PIK3CB: variants seen among roughly 807,000 people sequenced by gnomAD.
PIK3CB encodes the protein phosphatidylinositol-4,5-bisphosphate 3-kinase catalytic subunit beta.
PIK3CB carries 39 observed loss-of-function variants against 136.8 expected under a neutral mutation model. The observed-to-expected ratio is 0.29, with a 90% CI of 0.22 to 0.37. The LOEUF (loss-of-function observed/expected upper bound fraction) is 0.37. Ranked by LOEUF, PIK3CB falls within the 10% of genes least tolerant of loss-of-function variation. The probability of loss-of-function intolerance (pLI) is 1.00; values close to 1 mark genes in which losing one functional copy is unlikely to be tolerated. For missense variants in PIK3CB, 868 were observed against 1,275.4 expected (o/e 0.68, Z 4.87); for synonymous variants, 428 against 436.6 (o/e 0.98, Z 0.25).
At chr3:138,816,222 G>C (rs556903755) in intron 1 of PIK3CB, among the ~76,000 whole-genome samples, 9 of 152,280 alleles carry the variant, frequency 5.9e-5, no homozygotes, top group African/African-American at 2.2e-4. Flanking sequence ...AGGATTGTTT[G>C]AGACCAGGAG....
At chr3:138,730,801 G>A (rs2044955705) in intron 8 of PIK3CB, among the ~76,000 whole-genome samples, 4 of 152,082 alleles carry the variant, frequency 2.6e-5, no homozygotes, top group African/African-American at 2.4e-5. Context: ...AAGTGATGGT[G>A]TATACCTGTA....
chr3:138,660,305 T>C (rs1316848457), intron 21 of PIK3CB, among the ~76,000 whole-genome samples: 1 of 152,198 alleles, frequency 6.6e-6, no homozygotes, highest in Non-Finnish European at 1.5e-5. Flanking sequence ...ATTTTAACTT[T>C]TTGTTTGTTC....
chr3:138,827,702 G>A (rs1000077623), intron 1 of PIK3CB, among the ~76,000 whole-genome samples: 2 of 151,210 alleles, frequency 1.3e-5, no homozygotes, highest in African/African-American at 2.4e-5. Context: ...CAAAAAGGCC[G>A]GGCCCGGGGG....
intron 1 of PIK3CB, among the ~76,000 whole-genome samples, chr3:138,815,035 G>C (rs1170511782): frequency 6.6e-6 from 1 of 150,616 alleles, no homozygotes; most frequent in Non-Finnish European, 1.5e-5. Flanking sequence ...AGCTACTCAG[G>C]AGGCTGAGGC....
rs60503033 is a variant in PIK3CB, at chr3:138,744,392, CAAAAAAAAAAAAAA to C, written c.398-1625_398-1612del. Among the ~76,000 whole-genome samples the C allele has an allele frequency of 7.8e-3, 353 of 45,110 alleles. 20 individuals carry two copies. Among genetic ancestry groups the C allele is most frequent in the Middle Eastern group, 0.031 (1 of 32 alleles). The allele number at this position is 45,110 out of a possible 152,430, so 29.6% of individuals were successfully genotyped here. On this transcript the variant is annotated intron_variant, in intron 4 of 23. Coordinates refer to ENST00000674063, the MANE Select transcript of PIK3CB (RefSeq NM_006219.3). ...ACTGGGTGACAGAGCGAGACTCCCC[CAAAAAAAAAAAAAA>C]AAAAAAAAAAAAAAAAGGAAGTGGA... is the stretch of plus-strand genomic sequence containing the variant.
chr3:138,742,270 T>A (rs1259429106), intron 5 of PIK3CB, among the ~76,000 whole-genome samples: 1 of 152,132 alleles, frequency 6.6e-6, no homozygotes, highest in Admixed American at 6.6e-5. Context: ...ATCTTTGAGG[T>A]TTTTTTCTCT....
chr3:138,735,254 A>G (rs1228902139), intron 6 of PIK3CB, among the ~76,000 whole-genome samples: 1 of 152,084 alleles, frequency 6.6e-6, no homozygotes, highest in Non-Finnish European at 1.5e-5. Flanking sequence ...CAGCCTAAGC[A>G]TATGAGAATT....
At position 138,705,345 on chromosome 3, in the gene PIK3CB, G is replaced by A. The variant is rs186647642; in HGVS notation, c.1531-852C>T. Reference sequence around the variant, plus strand: ...CAGCTAAAACTATTAAATATATCACGAGTAGCTATGGCTTATGGATAAATT... The same window carrying A: ...CAGCTAAAACTATTAAATATATCACAAGTAGCTATGGCTTATGGATAAATT... On this transcript the variant is annotated intron_variant, in intron 11 of 23. Coordinates refer to ENST00000674063, the MANE Select transcript of PIK3CB (RefSeq NM_006219.3). Among the ~76,000 whole-genome samples the A allele has an allele frequency of 4.3e-3, 647 of 151,956 alleles. 2 individuals carry two copies. The highest frequency in any genetic ancestry group is 0.015 in the African/African-American group (631 of 41,470).
chr3:138,765,059 G>C (rs1576400289), intron 2 of PIK3CB, among the ~76,000 whole-genome samples: 1 of 152,186 alleles, frequency 6.6e-6, no homozygotes, highest in East Asian at 1.9e-4. Context: ...GGGCACAGTG[G>C]CTCCCGCCTA....
At chr3:138,776,856 G>C (rs2045864621) in intron 2 of PIK3CB, among the ~76,000 whole-genome samples, 1 of 142,658 alleles carries the variant, frequency 7.0e-6, no homozygotes, top group South Asian at 2.1e-4. Flanking sequence ...CTGGGAAGCG[G>C]ACATTGCAGT....
intron 16 of PIK3CB, among the ~76,000 whole-genome samples, chr3:138,686,454 T>C (rs1053549807): frequency 7.9e-5 from 12 of 151,834 alleles, no homozygotes; most frequent in Non-Finnish European, 1.6e-4. Flanking sequence ...ATAAAATAAA[T>C]AAATAAATAA....
At chr3:138,702,270 T>TCTCTATAAAAGAGAGAGACCCCAGGCTG (rs879653213) in intron 12 of PIK3CB, among the ~76,000 whole-genome samples, 1 of 150,600 alleles carries the variant, frequency 6.6e-6, no homozygotes, top group Non-Finnish European at 1.5e-5. Context: ...AGATGGGGTC[T>TCTCTATAAAAGAGAGAGACCCCAGGCTG]CTCTGTATGG....
intron 15 of PIK3CB, among the ~76,000 whole-genome samples, chr3:138,690,125 G>A (rs1387218945): frequency 3.3e-5 from 5 of 151,780 alleles, no homozygotes; most frequent in African/African-American, 4.8e-5. Context: ...GTAAAAAAAA[G>A]AGTGGAAAAA....
At chr3:138,811,585 C>A (rs1933061593) in intron 1 of PIK3CB, among the ~76,000 whole-genome samples, 1 of 151,928 alleles carries the variant, frequency 6.6e-6, no homozygotes, top group South Asian at 2.1e-4. Flanking sequence ...GCGACCACAC[C>A]TGGCTAATTT....
intron 1 of PIK3CB, chr3:138,825,816 T>C (rs532812283): frequency 6.6e-6 from 7 of 1,061,340 alleles, no homozygotes; most frequent in African/African-American, 6.2e-5. Context: ...AAGCAGTCTG[T>C]TGAAATGCAC....
At chr3:138,706,372 A>G (rs1461639072) in intron 11 of PIK3CB, among the ~76,000 whole-genome samples, 2 of 152,234 alleles carry the variant, frequency 1.3e-5, no homozygotes, top group African/African-American at 2.4e-5. Context: ...TGCAGTGTGT[A>G]TATTAAAGAA....
intron 4 of PIK3CB, 48 bp from the exon 5 acceptor site, chr3:138,742,829 A>T (rs1232920419): frequency 2.0e-6 from 2 of 1,020,468 alleles, no homozygotes; most frequent in African/African-American, 3.2e-5. Context: ...AACAATAATA[A>T]AAGAATATAG....
intron 1 of PIK3CB, among the ~76,000 whole-genome samples, chr3:138,799,164 C>G (rs2046142111): frequency 6.7e-6 from 1 of 150,308 alleles, no homozygotes. Context: ...TGTCTCTCTG[C>G]TTCAAATCTT....
At chr3:138,822,129 C>A (rs1053542998) in intron 1 of PIK3CB, among the ~76,000 whole-genome samples, 12 of 151,946 alleles carry the variant, frequency 7.9e-5, no homozygotes, top group African/African-American at 2.4e-5. Context: ...CAGAGCAAGA[C>A]CCTGTCTCCA....
Sources: gnomAD v4.1 joint callset for allele counts (sites outside exome capture counted in the v4.1 genomes callset) on GRCh38, gnomAD v4.1.1 for gene constraint, MANE v1.5 for transcripts, NCBI Gene and HGNC (gene_info 2026-07-23, HGNC 2026-07-21) for gene names.